The following AP4E1 variants were observed in gnomAD, a reference collection of about 807,000 sequenced individuals.
The protein encoded by AP4E1 is AP-4 complex subunit epsilon-1.
A neutral mutation model predicts 128.2 loss-of-function variants in AP4E1; 56 were observed. The observed-to-expected ratio is 0.44, with a 90% confidence interval of 0.35 to 0.55. The LOEUF (loss-of-function observed/expected upper bound fraction) is 0.55. Ranked by LOEUF, AP4E1 falls within the 20% of genes least tolerant of loss-of-function variation. The pLI, the probability that AP4E1 is intolerant of heterozygous loss-of-function variation, is 0.00. For missense variants in AP4E1, 1,324 were observed against 1,307.7 expected, an observed-to-expected ratio of 1.01 and a Z score of -0.19; for synonymous variants, 484 against 473.1, an observed-to-expected ratio of 1.02 and a Z score of -0.30.
chr15:50,916,915 G>T (rs2063637685), intron 3 of AP4E1, among the ~76,000 whole-genome samples: 1 of 151,736 alleles, frequency 6.6e-6, no homozygotes, highest in Non-Finnish European at 1.5e-5. Flanking sequence ...TTTTTTCGAG[G>T]CTTCAAATTA....
intron 10 of AP4E1, among the ~76,000 whole-genome samples, chr15:50,942,667 C>T (rs1168673020): frequency 6.8e-6 from 1 of 147,998 alleles, no homozygotes; most frequent in Non-Finnish European, 1.5e-5. Flanking sequence ...TTGTATATTA[C>T]ATTTTAATAT....
At chr15:50,985,307 C>T (rs754056550) in intron 16 of AP4E1, among the ~76,000 whole-genome samples, 147 of 152,140 alleles carry the variant, frequency 9.7e-4, no homozygotes, top group Middle Eastern at 3.4e-3. Flanking sequence ...GAAGCTCTTT[C>T]GTTTAATTAG....
At chr15:50,965,916 A>G (rs1221838342) in intron 14 of AP4E1, among the ~76,000 whole-genome samples, 1 of 152,038 alleles carries the variant, frequency 6.6e-6, no homozygotes, top group Non-Finnish European at 1.5e-5. Context: ...TGTAAATTAG[A>G]AAACTTTCTT....
chr15:50,943,225 GATTAC>G (rs1406211894), intron 10 of AP4E1, among the ~76,000 whole-genome samples: 1 of 152,006 alleles, frequency 6.6e-6, no homozygotes, highest in Non-Finnish European at 1.5e-5. Context: ...CAAAGGACAT[GATTAC>G]ATTCTTAAAA....
chr15:50,912,649 T>C (rs1223738262), intron 2 of AP4E1, among the ~76,000 whole-genome samples: 2 of 140,284 alleles, frequency 1.4e-5, no homozygotes, highest in Non-Finnish European at 3.1e-5. Flanking sequence ...AGATTAAAAC[T>C]CAGTTTGATT....
chr15:50,963,339 C>T (rs2064341625), intron 14 of AP4E1, among the ~76,000 whole-genome samples: 2 of 152,184 alleles, frequency 1.3e-5, no homozygotes, highest in South Asian at 4.1e-4. Flanking sequence ...AATGTGGAAT[C>T]AACCTAAGTG....
intron 10 of AP4E1, chr15:50,945,143 G>A: frequency 3.6e-6 from 3 of 844,292 alleles, no homozygotes; most frequent in Non-Finnish European, 6.3e-6. Context: ...TGTATACTGG[G>A]GTTTATCATC....
rs2064921028 is a variant in AP4E1 at position 50,999,066 on chromosome 15, T to C, written c.2905-6T>C. 3 of 1,613,876 alleles carry C rather than the reference T, an allele frequency of 1.9e-6. No individual in the cohort carries two copies. The highest frequency in any genetic ancestry group is 2.2e-5 in the East Asian group (1 of 44,854). ...TCTTCAACACTTTTATTACTTCTAT[T>C]TGCAGGTGACTGAGCAACCTGGATG... On this transcript the variant is annotated splice_polypyrimidine_tract_variant and splice_region_variant and intron_variant, in intron 18 of 20. Coordinates refer to ENST00000261842, the MANE Select transcript of AP4E1 (RefSeq NM_007347.5).
intron 1 of AP4E1, among the ~76,000 whole-genome samples, chr15:50,910,347 T>G (rs2063550858): frequency 6.6e-6 from 1 of 152,242 alleles, no homozygotes; most frequent in Non-Finnish European, 1.5e-5. Flanking sequence ...AAGGAGTTTA[T>G]ATCTTAAAAA....
intron 3 of AP4E1, among the ~76,000 whole-genome samples, chr15:50,919,672 T>A (rs1038238816): frequency 6.6e-6 from 1 of 152,154 alleles, no homozygotes; most frequent in Non-Finnish European, 1.5e-5. Context: ...TTATTTTTAT[T>A]GAGACTCATG....
At chr15:50,957,231 T>A (rs1371797479) in intron 13 of AP4E1, among the ~76,000 whole-genome samples, 1 of 152,150 alleles carries the variant, frequency 6.6e-6, no homozygotes, top group Non-Finnish European at 1.5e-5. Flanking sequence ...CCAGTGAAAG[T>A]GGCTCTCGGC....
rs1403200389 is a variant in AP4E1, at chr15:50,924,068, C to T, written c.420+64C>T. The T allele has an allele frequency of 2.0e-5, 27 of 1,332,828 alleles. No homozygotes were observed. The Middle Eastern group carries it at 5.4e-4, about 27-fold the overall frequency. 82.6% of individuals were successfully genotyped at this position (1,332,828 alleles called of 1,614,324 possible). ...CTTGTCAGCACCTGATATTTCTCCT[C>T]GATCATATTCAACTAGATGAGATTA... On this transcript the variant is annotated intron_variant, in intron 4 of 20. Coordinates refer to ENST00000261842, the MANE Select transcript of AP4E1 (RefSeq NM_007347.5).
intron 10 of AP4E1, among the ~76,000 whole-genome samples, chr15:50,942,658 T>G (rs1053395049): frequency 1.3e-5 from 2 of 148,386 alleles, no homozygotes; most frequent in Admixed American, 6.8e-5. Context: ...ATATTACTTT[T>G]GTATATTACA....
chr15:50,951,724 T>C, intron 13 of AP4E1, among the ~76,000 whole-genome samples: 1 of 140,540 alleles, frequency 7.1e-6, no homozygotes, highest in Admixed American at 6.9e-5. Context: ...TTAATTTTCT[T>C]TCTTTTTTTT....
chr15:50,963,114 A>G (rs993478072), intron 14 of AP4E1, among the ~76,000 whole-genome samples: 1 of 152,222 alleles, frequency 6.6e-6, no homozygotes. Flanking sequence ...CCAAGGATGC[A>G]GAAAAAAGGA....
At chr15:50,958,408 C>T in intron 13 of AP4E1, 84 bp from the exon 14 acceptor site, 1 of 1,118,928 alleles carries the variant, frequency 8.9e-7, no homozygotes, top group Non-Finnish European at 1.3e-6. Context: ...TTCACTCTAG[C>T]AGTAGGTACT....
intron 5 of AP4E1, among the ~76,000 whole-genome samples, chr15:50,926,434 C>T (rs2063770491): frequency 6.6e-6 from 1 of 151,964 alleles, no homozygotes. Context: ...CTGCGCCTGG[C>T]CCATAATTTT....
chr15:50,932,178 C>G (rs1232653409), intron 7 of AP4E1, among the ~76,000 whole-genome samples: 1 of 152,058 alleles, frequency 6.6e-6, no homozygotes, highest in African/African-American at 2.4e-5. Context: ...TGGATTTCAC[C>G]ATGTTGGCCA....
intron 13 of AP4E1, among the ~76,000 whole-genome samples, chr15:50,953,558 A>G (rs1246171162): frequency 2.0e-5 from 3 of 152,232 alleles, no homozygotes; most frequent in Non-Finnish European, 4.4e-5. Flanking sequence ...TGTATACACT[A>G]CCTGCCTGTT....
Sources: allele counts gnomAD v4.1 joint callset (sites outside exome capture counted in the v4.1 genomes callset), GRCh38; gene constraint gnomAD v4.1.1; transcripts MANE v1.5; gene names NCBI Gene and HGNC (gene_info 2026-07-23, HGNC 2026-07-21).